The following MAP3K4 variants were observed in gnomAD, a reference collection of about 807,000 sequenced individuals.
The protein encoded by MAP3K4 is mitogen-activated protein kinase kinase kinase 4.
MAP3K4 carries 67 observed loss-of-function variants against 185.6 expected under a neutral mutation model. The observed-to-expected ratio is 0.36, with a 90% CI of 0.30 to 0.44. The LOEUF (loss-of-function observed/expected upper bound fraction) is 0.44. Ranked by LOEUF, MAP3K4 falls within the 20% of genes least tolerant of loss-of-function variation. MAP3K4 has a pLI of 1.00. For missense variants in MAP3K4, 1,551 were observed against 1,995.1 expected (o/e 0.78, Z 4.24); for synonymous variants, 702 against 710.4 (o/e 0.99, Z 0.19).
At chr6:161,021,585 A>G (rs947961828) in intron 1 of MAP3K4, among the ~76,000 whole-genome samples, 3 of 152,206 alleles carry the variant, frequency 2.0e-5, no homozygotes, top group African/African-American at 7.2e-5. Flanking sequence ...GTTAGGTCCT[A>G]TCTGCTGGTG....
At chr6:161,004,888 T>G (rs1348007149) in intron 1 of MAP3K4, among the ~76,000 whole-genome samples, 2 of 152,156 alleles carry the variant, frequency 1.3e-5, no homozygotes, top group African/African-American at 4.8e-5. Context: ...AAGAATAACT[T>G]TTACAGTCTA....
chr6:161,024,841 G>A lies in MAP3K4; in HGVS notation c.153-9418G>A, dbSNP rs550108493. 4.1e-4 allele frequency among the ~76,000 whole-genome samples: 63 copies of A among 152,190 alleles called. 1 individual carries two copies. Among genetic ancestry groups the A allele is most frequent in the Middle Eastern group, 3.4e-3 (1 of 292 alleles). On this transcript the variant is annotated intron_variant, in intron 1 of 26. Transcript: ENST00000392142. The stretch of plus-strand genomic sequence containing the variant: ...ACCAGAGTGTAGCCCACGCTTAAGG[G>A]GTGGAGAGTTCAACTCCACCTCCTT...
chr6:161,054,993 C>G lies in MAP3K4; in HGVS notation c.1707+5014C>G. On this transcript the variant is annotated intron_variant, in intron 3 of 26. Coordinates refer to ENST00000392142, the MANE Select transcript of MAP3K4 (RefSeq NM_005922.4). The surrounding 1 kb of genome is among the most constrained non-coding windows in gnomAD (Gnocchi z 4.2). The stretch of plus-strand genomic sequence containing the variant: ...TTATTCCATTGCTGTTTAGAACATC[C>G]CAGGATCTTATTGTTTGTACTTATT... Among the ~76,000 whole-genome samples the G allele has an allele frequency of 6.6e-6, 1 of 152,104 alleles. No homozygotes were observed. Among genetic ancestry groups the G allele is most frequent in the East Asian group, 1.9e-4 (1 of 5,196 alleles).
At chr6:161,090,641 G>GC (rs1231428200) in intron 11 of MAP3K4, among the ~76,000 whole-genome samples, 103 of 56,206 alleles carry the variant, frequency 1.8e-3, no homozygotes, top group East Asian at 4.3e-3. Flanking sequence ...AGGATGTTTA[G>GC]AGCCAGGGCA....
rs762533939 is a variant in MAP3K4 at position 161,102,024 on chromosome 6, A to C, written c.3775+32A>C. The stretch of plus-strand genomic sequence containing the variant: ...GTTTTAAGGTGTTAGCTGCATTCAC[A>C]ACCAGTCTAATCATTTGTCTCAGTT... On this transcript the variant is annotated intron_variant, in intron 18 of 26. Coordinates refer to ENST00000392142, the MANE Select transcript of MAP3K4 (RefSeq NM_005922.4). 3 of 1,529,958 alleles carry C rather than the reference A, an allele frequency of 2.0e-6. No homozygotes were observed. The Admixed American group carries it at 5.0e-5, about 26-fold the overall frequency. The allele number at this position is 1,529,958 out of a possible 1,614,324, so 94.8% of individuals were successfully genotyped here.
chr6:161,044,131 A>G (rs1327569232), intron 2 of MAP3K4, among the ~76,000 whole-genome samples: 1 of 152,202 alleles, frequency 6.6e-6, no homozygotes, highest in African/African-American at 2.4e-5. Flanking sequence ...GTGATTGGCC[A>G]AAGGAAAAAG....
At chr6:161,105,943 C>G (rs866711618) in intron 19 of MAP3K4, among the ~76,000 whole-genome samples, 1 of 151,596 alleles carries the variant, frequency 6.6e-6, no homozygotes, top group Non-Finnish European at 1.5e-5. Context: ...ACAAGGGATC[C>G]TCCCACCTCA....
intron 1 of MAP3K4, among the ~76,000 whole-genome samples, chr6:161,013,141 T>C (rs971141406): frequency 1.3e-5 from 2 of 152,228 alleles, no homozygotes; most frequent in Non-Finnish European, 2.9e-5. Flanking sequence ...TATTAGTGCT[T>C]ACCTTACTGT....
chr6:161,111,791 A>T, intron 23 of MAP3K4, 45 bp from the exon 24 acceptor site: 1 of 1,598,694 alleles, frequency 6.3e-7, no homozygotes. Flanking sequence ...CCTTGCCCAC[A>T]TTGTGTTTCA....
chr6:161,008,892 A>G lies in MAP3K4; in HGVS notation c.152+16809A>G, dbSNP rs1196478217. ...TTCTTGCTACTGTAAAATACTTGTT[A>G]CTGCAAAATGTGTAACATTTTGCTC... On this transcript the variant is annotated intron_variant, in intron 1 of 26. Transcript: ENST00000392142. The surrounding 1 kb of genome is among the most constrained non-coding windows in gnomAD (Gnocchi z 4.1). 6.6e-6 allele frequency among the ~76,000 whole-genome samples: 1 copy of G among 151,984 alleles called. No individual in the cohort carries two copies. The highest frequency in any genetic ancestry group is 1.5e-5 in the Non-Finnish European group (1 of 68,022).
At chr6:161,019,529 C>T (rs1221403163) in intron 1 of MAP3K4, among the ~76,000 whole-genome samples, 2 of 152,186 alleles carry the variant, frequency 1.3e-5, no homozygotes, top group African/African-American at 4.8e-5. Context: ...GCGTCAGTCT[C>T]CCGAGTAGCT....
At chr6:161,059,934 C>G (rs1262915345) in intron 3 of MAP3K4, among the ~76,000 whole-genome samples, 2 of 151,334 alleles carry the variant, frequency 1.3e-5, no homozygotes, top group Non-Finnish European at 2.9e-5. Context: ...TGATTGTATC[C>G]CAGTTGCCCC....
In MAP3K4 at chr6:161,052,159, C is replaced by T. The variant is rs868317059; in HGVS notation, c.1707+2180C>T. ...TGTCGGGCTTCCGTAAACTGCTTCA[C>T]CCACCCTCCCTCCCCAAATTGTCTT... On this transcript the variant is annotated intron_variant, in intron 3 of 26. Coordinates refer to ENST00000392142, the MANE Select transcript of MAP3K4 (RefSeq NM_005922.4). Among the ~76,000 whole-genome samples, 7 of 130,276 alleles carry T rather than the reference C, an allele frequency of 5.4e-5. No individual in the cohort carries two copies. In the South Asian group the frequency reaches 1.9e-3, roughly 35 times the overall value. 85.5% of individuals were successfully genotyped at this position (130,276 alleles called of 152,430 possible).
rs567580021 is a variant in MAP3K4 at position 161,084,144 on chromosome 6, T to A, written c.2256-357T>A. Among the ~76,000 whole-genome samples, 38 of 152,372 alleles carry A rather than the reference T, an allele frequency of 2.5e-4. No homozygotes were observed. The highest frequency in any genetic ancestry group is 4.0e-4 in the Non-Finnish European group (27 of 68,034). Reference sequence around the variant, plus strand: ...GGAAATTTGTAAAAACAGTTGAATTTAAGGAATTCCCTTTCCCTCTTATCC... The same window carrying A: ...GGAAATTTGTAAAAACAGTTGAATTAAAGGAATTCCCTTTCCCTCTTATCC... On this transcript the variant is annotated intron_variant, in intron 6 of 26. Transcript: ENST00000392142. This position sits in a 1 kb window ranked among gnomAD's most constrained non-coding sequence, Gnocchi z 4.6.
At chr6:161,013,718 G>T (rs749941337) in intron 1 of MAP3K4, among the ~76,000 whole-genome samples, 1 of 152,232 alleles carries the variant, frequency 6.6e-6, no homozygotes, top group Non-Finnish European at 1.5e-5. Flanking sequence ...GGGCTGCCCC[G>T]TAGGCCAAGA....
Position 161,116,323 on chromosome 6 carries a change from G to A in MAP3K4, c.4807-527G>A, listed in dbSNP as rs191889174. 2.0e-5 allele frequency among the ~76,000 whole-genome samples: 3 copies of A among 152,194 alleles called. No homozygotes were observed. The highest frequency in any genetic ancestry group is 4.1e-4 in the South Asian group (2 of 4,824). Reference sequence around the variant, plus strand: ...ATACCTGGGGCTGGCACTCAAGAGGGATTTTGGGTAGGGCACAGGTGTGGG... The same window carrying A: ...ATACCTGGGGCTGGCACTCAAGAGGAATTTTGGGTAGGGCACAGGTGTGGG... On this transcript the variant is annotated intron_variant, in intron 26 of 26. Coordinates refer to ENST00000392142, the MANE Select transcript of MAP3K4 (RefSeq NM_005922.4). This position sits in a 1 kb window ranked among gnomAD's most constrained non-coding sequence, Gnocchi z 6.2.
intron 19 of MAP3K4, among the ~76,000 whole-genome samples, chr6:161,104,362 T>C (rs1356540065): frequency 7.2e-6 from 1 of 139,116 alleles, no homozygotes; most frequent in Non-Finnish European, 1.5e-5. Flanking sequence ...TGCGGTGGGC[T>C]GAGATCGCGC....
rs1002857837 is a variant in MAP3K4 at position 161,048,073 on chromosome 6, A to G, written c.344-543A>G. ...CTAACGTCAGTGTTTTTGTCTGTCA[A>G]CTGTCTTTCAGTTTTTTATGAGAAT... On this transcript the variant is annotated intron_variant, in intron 2 of 26. Coordinates refer to ENST00000392142, the MANE Select transcript of MAP3K4 (RefSeq NM_005922.4). The surrounding 1 kb of genome is among the most constrained non-coding windows in gnomAD (Gnocchi z 4.7). Among the ~76,000 whole-genome samples the G allele has an allele frequency of 5.3e-5, 8 of 152,210 alleles. No individual in the cohort carries two copies. Among genetic ancestry groups the G allele is most frequent in the African/African-American group, 1.9e-4 (8 of 41,450 alleles).
Position 161,034,559 on chromosome 6 carries a change from C to A in MAP3K4, c.343+110C>A. 1.2e-6 allele frequency: 1 copy of A among 864,360 alleles called. No individual in the cohort carries two copies. The highest frequency in any genetic ancestry group is 1.6e-6 in the Non-Finnish European group (1 of 617,074). The allele number at this position is 864,360 out of a possible 1,614,324, so 53.5% of individuals were successfully genotyped here. A position where few individuals can be genotyped will look rare whatever the true frequency, so the allele number is the denominator to read the frequency against. Reference sequence around the variant, plus strand: ...TTATTTTTAATTTGATTTTAATGCTCCTGTAAAGTTCAATTTTTTTTTGAA... The same window carrying A: ...TTATTTTTAATTTGATTTTAATGCTACTGTAAAGTTCAATTTTTTTTTGAA... On this transcript the variant is annotated intron_variant, in intron 2 of 26. Coordinates refer to ENST00000392142, the MANE Select transcript of MAP3K4 (RefSeq NM_005922.4). The surrounding 1 kb of genome is among the most constrained non-coding windows in gnomAD (Gnocchi z 4.4).
Sources: allele counts gnomAD v4.1 joint callset (sites outside exome capture counted in the v4.1 genomes callset), GRCh38; gene constraint gnomAD v4.1.1; non-coding constraint Gnocchi (gnomAD v3.1); transcripts MANE v1.5; gene names NCBI Gene and HGNC (gene_info 2026-07-23, HGNC 2026-07-21).